Variants in PIK3R2 observed in about 807,000 individuals in gnomAD.
The protein encoded by PIK3R2 is phosphatidylinositol 3-kinase regulatory subunit beta.
Under a neutral mutation model 78.5 loss-of-function variants are expected in PIK3R2, and 40 were observed. The observed-to-expected ratio is 0.51, with a 90% confidence interval of 0.40 to 0.66. PIK3R2 has a LOEUF of 0.66. Among genes scored for constraint, PIK3R2 ranks in the 30% least tolerant of loss-of-function variants. The pLI is 0.00. For synonymous variants in PIK3R2, 473 were observed against 457.7 expected (o/e 1.03, Z -0.43); for missense variants, 880 against 1,026.6 (o/e 0.86, Z 1.95).
At chr19:18,159,385 G>A (rs768304396) in intron 2 of PIK3R2, among the ~76,000 whole-genome samples, 1 of 151,812 alleles carries the variant, frequency 6.6e-6, no homozygotes, top group Non-Finnish European at 1.5e-5. Flanking sequence ...AGCTTCTGGT[G>A]CCTCCAGGCA....
At position 18,161,208 on chromosome 19, in the gene PIK3R2, G is replaced by A; in HGVS notation, c.598+23G>A. On this transcript the variant is annotated intron_variant, in intron 5 of 15. Transcript: ENST00000222254. This position sits in a 1 kb window ranked among gnomAD's most constrained non-coding sequence, Gnocchi z 5.3. ...GGGGTGAGCCTGGCGGGTAGCCCGG[G>A]GGAAGGAGGGGGCTGTAGCGGGTGG... 1 of 1,536,600 alleles carries A rather than the reference G, an allele frequency of 6.5e-7. No homozygotes were observed. The highest frequency in any genetic ancestry group is 8.8e-7 in the Non-Finnish European group (1 of 1,142,260).
At chr19:18,160,798 C>T (rs1599971266) in intron 3 of PIK3R2, 121 bp from the exon 4 acceptor site, 4 of 1,258,924 alleles carry the variant, frequency 3.2e-6, no homozygotes, top group Non-Finnish European at 4.5e-6. Context: ...CTCCCCACCC[C>T]TCCCATGCCC....
intron 11 of PIK3R2, 165 bp from the exon 12 acceptor site, chr19:18,165,995 A>G: frequency 1.1e-6 from 1 of 870,408 alleles, no homozygotes; most frequent in Non-Finnish European, 1.9e-6. Context: ...GGGGTTTTGA[A>G]GGCTGAATAG....
Position 18,168,297 on chromosome 19 carries a change from G to C in PIK3R2, c.1737-178G>C, listed in dbSNP as rs1001591816. On this transcript the variant is annotated intron_variant, in intron 13 of 15. Coordinates refer to ENST00000222254, the MANE Select transcript of PIK3R2 (RefSeq NM_005027.4). This position sits in a 1 kb window ranked among gnomAD's most constrained non-coding sequence, Gnocchi z 4.1. The stretch of plus-strand genomic sequence containing the variant: ...TCAGGGTTCCCCAGCAGAGCTGGGC[G>C]AGCCACCCTGGGTTCAGGCTGCCCT... 6.6e-6 allele frequency among the ~76,000 whole-genome samples: 1 copy of C among 152,126 alleles called. No homozygotes were observed. Among genetic ancestry groups the C allele is most frequent in the African/African-American group, 2.4e-5 (1 of 41,414 alleles).
chr19:18,161,225 A>G lies in PIK3R2; in HGVS notation c.598+40A>G. ...TAGCCCGGGGGAAGGAGGGGGCTGTAGCGGGTGGGAGGGCCCAGGCCTGGC... is the reference window on the plus strand; with the variant it reads ...TAGCCCGGGGGAAGGAGGGGGCTGTGGCGGGTGGGAGGGCCCAGGCCTGGC... On this transcript the variant is annotated intron_variant, in intron 5 of 15. Coordinates refer to ENST00000222254, the MANE Select transcript of PIK3R2 (RefSeq NM_005027.4). This position sits in a 1 kb window ranked among gnomAD's most constrained non-coding sequence, Gnocchi z 5.3. 6.6e-7 allele frequency: 1 copy of G among 1,519,802 alleles called. No individual in the cohort carries two copies. The highest frequency in any genetic ancestry group is 8.8e-7 in the Non-Finnish European group (1 of 1,136,382). The allele number at this position is 1,519,802 out of a possible 1,614,324, so 94.1% of individuals were successfully genotyped here.
At chr19:18,159,606 AT>A (rs559669050) in intron 2 of PIK3R2, among the ~76,000 whole-genome samples, 7 of 143,058 alleles carry the variant, frequency 4.9e-5, no homozygotes, top group Admixed American at 1.4e-4. Context: ...CACCTGGCTC[AT>A]TTTTTTTTTG....
In PIK3R2 at chr19:18,161,361, G is replaced by C; in HGVS notation, c.681G>C (p.Gln227His). Residue 227 changes from glutamine to histidine, a missense_variant, in exon 6 of 16, where the codon CAG (glutamine) becomes CAC (histidine). This residue lies in a region of PIK3R2 where 456 missense variants were observed against 486.6 expected (regional missense o/e 0.94). Coordinates refer to ENST00000222254, the MANE Select transcript of PIK3R2 (RefSeq NM_005027.4). This position sits in a 1 kb window ranked among gnomAD's most constrained non-coding sequence, Gnocchi z 5.3. The part of the protein sequence containing the change: ...HRALTLRFLL[Q>H]HLGRVASRAP... ...CGCTCACGCTGCGCTTCCTGCTCCA[G>C]CACCTGGGCCGCGTGGCCAGCCGCG... 1 of 1,283,938 alleles carries C rather than the reference G, an allele frequency of 7.8e-7. No homozygotes were observed. 79.5% of individuals were successfully genotyped at this position (1,283,938 alleles called of 1,614,324 possible).
At chr19:18,157,706 C>T (rs1262276942) in intron 2 of PIK3R2, among the ~76,000 whole-genome samples, 1 of 151,904 alleles carries the variant, frequency 6.6e-6, no homozygotes, top group African/African-American at 2.4e-5. Context: ...AGAGTGTCAC[C>T]CACCTCCACC....
At chr19:18,165,079 A>G (rs976420854) in intron 11 of PIK3R2, among the ~76,000 whole-genome samples, 2 of 151,004 alleles carry the variant, frequency 1.3e-5, no homozygotes, top group Non-Finnish European at 3.0e-5. Context: ...AAGATAAAAA[A>G]ATTAGCCGAG....
rs771860553 is a variant in PIK3R2 at position 18,169,225 on chromosome 19, C to T, written c.2118C>T (p.Asp706=). 2 of 1,598,718 alleles carry T rather than the reference C, an allele frequency of 1.3e-6. No individual in the cohort carries two copies. Among genetic ancestry groups the T allele is most frequent in the African/African-American group, 1.3e-5 (1 of 74,836 alleles). The part of the protein sequence containing the change: ...YQHASLVQHN[D]ALTVTLAHPV... ...ACGCCTCGCTGGTGCAGCACAACGA[C>T]GCGCTCACCGTCACCCTGGCGCACC... The change falls in exon 16 of 16, where the codon GAC becomes GAT. Residue 706 remains aspartate (D), a synonymous_variant. Coordinates refer to ENST00000222254, the MANE Select transcript of PIK3R2 (RefSeq NM_005027.4).
intron 11 of PIK3R2, among the ~76,000 whole-genome samples, chr19:18,165,386 T>G (rs62123616): frequency 1.2e-5 from 1 of 82,448 alleles, no homozygotes; most frequent in African/African-American, 4.2e-5. Flanking sequence ...AAAAAAAAAT[T>G]AGCCGGGCAT....
chr19:18,161,601 G>T lies in PIK3R2; in HGVS notation c.815+106G>T. 2.2e-6 allele frequency: 1 copy of T among 451,656 alleles called. No homozygotes were observed. Among genetic ancestry groups the T allele is most frequent in the African/African-American group, 2.0e-5 (1 of 49,040 alleles). The allele number at this position is 451,656 out of a possible 1,614,324, so 28.0% of individuals were successfully genotyped here. ...TCTAGACCCTAAGAAGGGAGGGGAT[G>T]GGGTCCAGAGTGAGAAGCTGCGTTC... On this transcript the variant is annotated intron_variant, in intron 6 of 15. Transcript: ENST00000222254. This position sits in a 1 kb window ranked among gnomAD's most constrained non-coding sequence, Gnocchi z 5.3.
In PIK3R2 at chr19:18,169,638, G is replaced by A. The variant is rs1403085822; in HGVS notation, c.*344G>A. The A allele has an allele frequency of 4.0e-6, 1 of 251,570 alleles. No individual in the cohort carries two copies. The highest frequency in any genetic ancestry group is 1.7e-4 in the South Asian group (1 of 6,006). 15.6% of individuals were successfully genotyped at this position (251,570 alleles called of 1,614,324 possible). A position where few individuals can be genotyped will look rare whatever the true frequency, so the allele number is the denominator to read the frequency against. ...CCCACCGCAGGTCCCCCGGGGTCCC[G>A]GAAGCCCCTTCTGGCTGCACCTGCC... On this transcript the variant is annotated 3_prime_UTR_variant, in exon 16 of 16. Coordinates refer to ENST00000222254, the MANE Select transcript of PIK3R2 (RefSeq NM_005027.4).
Position 18,156,218 on chromosome 19 carries a change from G to A in PIK3R2, c.322+17G>A. The A allele has an allele frequency of 8.9e-6, 13 of 1,464,918 alleles. No individual in the cohort carries two copies. The highest frequency in any genetic ancestry group is 1.1e-5 in the Non-Finnish European group (12 of 1,114,256). 90.7% of individuals were successfully genotyped at this position (1,464,918 alleles called of 1,614,324 possible). ...CTGAGCCAGGTGAGCAGCAAGCAGGGGCCCTGGAAAGGGGGGTGGTCCCCT... is the reference window on the plus strand; with the variant it reads ...CTGAGCCAGGTGAGCAGCAAGCAGGAGCCCTGGAAAGGGGGGTGGTCCCCT... On this transcript the variant is annotated intron_variant, in intron 2 of 15. Transcript: ENST00000222254. This position sits in a 1 kb window ranked among gnomAD's most constrained non-coding sequence, Gnocchi z 4.2.
At position 18,161,140 on chromosome 19, in the gene PIK3R2, C is replaced by T; in HGVS notation, c.553C>T (p.Leu185Phe). Residue 185 changes from leucine (L) to phenylalanine (F), a missense_variant, in exon 5 of 16, where the codon CTC becomes TTC. Leu to Phe is a conservative substitution (Grantham distance 22). Transcript: ENST00000222254. The surrounding 1 kb of genome is among the most constrained non-coding windows in gnomAD (Gnocchi z 5.3). ...CTTCCTGCTGGCACTGCCCGCGCCG[C>T]TCGTGACCCCCGAGGCCTCGGCCGA... Reference protein sequence around the residue: ...KSFLLALPAPLVTPEASAEAR... With the variant: ...KSFLLALPAPFVTPEASAEAR... 6.4e-7 allele frequency: 1 copy of T among 1,555,878 alleles called. No homozygotes were observed. Among genetic ancestry groups the T allele is most frequent in the South Asian group, 1.2e-5 (1 of 84,532 alleles).
intron 2 of PIK3R2, among the ~76,000 whole-genome samples, chr19:18,157,737 T>TTCC (rs1181960015): frequency 1.3e-5 from 2 of 150,294 alleles, no homozygotes; most frequent in Non-Finnish European, 3.0e-5. Flanking sequence ...CCTTTTCCTT[T>TTCC]TTTTTTTTTT....
rs138829462 is a variant in PIK3R2, at chr19:18,155,326, G to C, written c.-423-131G>C. The C allele has an allele frequency of 4.1e-5, 13 of 317,496 alleles. No homozygotes were observed. In the East Asian group the frequency reaches 6.1e-4, roughly 15 times the overall value. The allele number at this position is 317,496 out of a possible 1,614,324, so 19.7% of individuals were successfully genotyped here. ...CCCATTTTACAGATAGAGAAGCTGA[G>C]GCCCTGAGAGGGACCGGCCCCAAGG... On this transcript the variant is annotated intron_variant, in intron 1 of 15. Coordinates refer to ENST00000222254, the MANE Select transcript of PIK3R2 (RefSeq NM_005027.4).
chr19:18,162,594 G>A, intron 9 of PIK3R2, 88 bp downstream of exon 9: 1 of 1,191,990 alleles, frequency 8.4e-7, no homozygotes, highest in Middle Eastern at 2.1e-4. Context: ...GCGGTTTCAA[G>A]AATGGAGGGC....
intron 1 of PIK3R2, 80 bp from the exon 2 acceptor site, chr19:18,155,377 A>T: frequency 2.8e-6 from 1 of 359,850 alleles, no homozygotes; most frequent in Non-Finnish European, 5.0e-6. Context: ...GGGAATTCCA[A>T]ATCAGGATTT....
Sources: gnomAD v4.1 joint callset for allele counts (sites outside exome capture counted in the v4.1 genomes callset) on GRCh38, gnomAD v4.1.1 for gene constraint, gnomAD v4.1.1 regional missense constraint, Gnocchi (gnomAD v3.1) non-coding constraint, MANE v1.5 for transcripts, NCBI Gene and HGNC (gene_info 2026-07-23, HGNC 2026-07-21) for gene names.